The following MARCHF1 variants were observed in gnomAD, a reference collection of about 807,000 sequenced individuals.
MARCHF1 encodes the protein E3 ubiquitin-protein ligase MARCHF1.
A neutral mutation model predicts 54.2 loss-of-function variants in MARCHF1; 40 were observed. The ratio of observed to expected loss-of-function variants is 0.74; its 90% confidence interval spans 0.57 to 0.96. The LOEUF (loss-of-function observed/expected upper bound fraction) is 0.96, where lower values mean the gene tolerates loss of function less well. Ranked by LOEUF, MARCHF1 falls within the 40% of genes least tolerant of loss-of-function variation. The pLI, the probability that MARCHF1 is intolerant of heterozygous loss-of-function variation, is 0.00. For synonymous variants in MARCHF1, 236 were observed against 236.3 expected (o/e 1.00, Z 0.01); for missense variants, 586 against 656.5 (o/e 0.89, Z 1.17).
chr4:163,573,888 A>G (rs1739937863), intron 8 of MARCHF1, among the ~76,000 whole-genome samples: 2 of 150,630 alleles, frequency 1.3e-5, no homozygotes, highest in Admixed American at 1.3e-4. Context: ...GAATCGCCAC[A>G]CTGACTTCCA....
At chr4:163,929,973 A>AATATATTAAATATAT (rs1560823848) in intron 3 of MARCHF1, among the ~76,000 whole-genome samples, 1 of 125,396 alleles carries the variant, frequency 8.0e-6, no homozygotes, top group African/African-American at 3.1e-5. Flanking sequence ...AATATATATA[A>AATATATTAAATATAT]TATATATAAT....
At chr4:163,980,029 A>G (rs1382004476) in intron 3 of MARCHF1, among the ~76,000 whole-genome samples, 1 of 151,548 alleles carries the variant, frequency 6.6e-6, no homozygotes, top group Non-Finnish European at 1.5e-5. Context: ...TAAAGTTCAT[A>G]TGGAACCAAA....
At chr4:164,039,342 C>T (rs1190533397) in intron 2 of MARCHF1, among the ~76,000 whole-genome samples, 2 of 152,054 alleles carry the variant, frequency 1.3e-5, no homozygotes, top group African/African-American at 4.8e-5. Flanking sequence ...TTTTGACATG[C>T]CAATAAAGTT....
intron 1 of MARCHF1, among the ~76,000 whole-genome samples, chr4:164,152,188 G>T (rs1729960839): frequency 1.3e-5 from 2 of 152,120 alleles, no homozygotes; most frequent in South Asian, 4.1e-4. Flanking sequence ...GATTTCAGGT[G>T]GTGATACTTG....
chr4:164,047,181 G>A (rs1487195672), intron 2 of MARCHF1, among the ~76,000 whole-genome samples: 1 of 152,120 alleles, frequency 6.6e-6, no homozygotes, highest in African/African-American at 2.4e-5. Flanking sequence ...AGAAACCCTA[G>A]CTCAGGCAAT....
intron 3 of MARCHF1, among the ~76,000 whole-genome samples, chr4:163,981,217 C>T (rs911398154): frequency 4.6e-5 from 7 of 152,030 alleles, no homozygotes; most frequent in African/African-American, 1.4e-4. Context: ...CTAAAGAATG[C>T]AGCATGTTGC....
intron 2 of MARCHF1, among the ~76,000 whole-genome samples, chr4:164,043,668 T>C (rs763399782): frequency 1.5e-4 from 23 of 152,326 alleles, no homozygotes; most frequent in Non-Finnish European, 3.4e-4. Flanking sequence ...ACAGCCAGTT[T>C]GAATTTCTCC....
chr4:163,587,952 C>A (rs1234864408), intron 7 of MARCHF1, among the ~76,000 whole-genome samples: 5 of 151,960 alleles, frequency 3.3e-5, no homozygotes, highest in Admixed American at 3.3e-4. Flanking sequence ...TGCTCTCTCC[C>A]CAGGGGAAAT....
Position 163,527,663 on chromosome 4 carries a change from A to G in MARCHF1, c.*1085T>C, listed in dbSNP as rs757967325. On this transcript the variant is annotated 3_prime_UTR_variant, in exon 10 of 10. Transcript: ENST00000514618. The stretch of plus-strand genomic sequence containing the variant: ...ACTTTGAAATAAAAGAATGAATTAA[A>G]CTGTTTTGAAATACTCAACAACTGT... 2 of 152,182 alleles carry G rather than the reference A, an allele frequency of 1.3e-5. No homozygotes were observed. Among genetic ancestry groups the G allele is most frequent in the Non-Finnish European group, 2.9e-5 (2 of 67,958 alleles). 9.4% of individuals were successfully genotyped at this position (152,182 alleles called of 1,614,324 possible).
rs1217630973 is a variant in MARCHF1, at chr4:164,199,677, CACACAGAGAG to C, written c.-322-88025_-322-88016del. 7.6e-3 allele frequency among the ~76,000 whole-genome samples: 483 copies of C among 63,940 alleles called. 1 individual carries two copies. Among genetic ancestry groups the C allele is most frequent in the Non-Finnish European group, 7.8e-3 (285 of 36,496 alleles). 41.9% of individuals were successfully genotyped at this position (63,940 alleles called of 152,430 possible). On this transcript the variant is annotated intron_variant, in intron 1 of 9. Transcript: ENST00000514618. ...ACACACACACACACACACACACACACACACAGAGAGAGAGAGAGAGAGAGAGAGAGAGAGA... is the reference window on the plus strand; with the variant it reads ...ACACACACACACACACACACACACACAGAGAGAGAGAGAGAGAGAGAGAGA...
At chr4:163,548,029 T>C (rs1042526680) in intron 8 of MARCHF1, among the ~76,000 whole-genome samples, 5 of 152,232 alleles carry the variant, frequency 3.3e-5, no homozygotes, top group African/African-American at 1.2e-4. Context: ...AATTAATCAG[T>C]CTTGAACTGA....
chr4:164,316,764 T>C (rs550687352), intron 1 of MARCHF1, among the ~76,000 whole-genome samples: 17 of 152,284 alleles, frequency 1.1e-4, no homozygotes, highest in African/African-American at 2.4e-4. Context: ...TGGAAGGAGA[T>C]TGGAACATGG....
intron 9 of MARCHF1, among the ~76,000 whole-genome samples, chr4:163,533,680 A>AAT (rs35349951): frequency 0.097 from 13,939 of 144,046 alleles, 735 homozygotes; most frequent in East Asian, 0.16. Flanking sequence ...TTTTATATAT[A>AAT]ATATATATAT....
rs552732540 is a variant in MARCHF1, at chr4:163,843,883, G to A, written c.111+10138C>T. Among the ~76,000 whole-genome samples, 118 of 151,882 alleles carry A rather than the reference G, an allele frequency of 7.8e-4. 2 individuals carry two copies. Among genetic ancestry groups the A allele is most frequent in the Non-Finnish European group, 1.4e-3 (97 of 67,950 alleles). Reference sequence around the variant, plus strand: ...TGGCATTTCTTTAATGATAAGTGACGATGAGTATTTTTCCATATGTTTGTT... The same window carrying A: ...TGGCATTTCTTTAATGATAAGTGACAATGAGTATTTTTCCATATGTTTGTT... On this transcript the variant is annotated intron_variant, in intron 4 of 9. Coordinates refer to ENST00000514618, the MANE Select transcript of MARCHF1 (RefSeq NM_001394959.1).
At position 164,176,941 on chromosome 4, in the gene MARCHF1, G is replaced by GCT. The variant is rs57770641; in HGVS notation, c.-322-65281_-322-65280dup. On this transcript the variant is annotated intron_variant, in intron 1 of 9. Coordinates refer to ENST00000514618, the MANE Select transcript of MARCHF1 (RefSeq NM_001394959.1). ...TGTTATTTATCTGAGTACCTTGTGC[G>GCT]CTCTCTCTCTCTCTCTCTCTCTCTC... is the stretch of plus-strand genomic sequence containing the variant. 4.0e-3 allele frequency among the ~76,000 whole-genome samples: 230 copies of GCT among 58,062 alleles called. 5 individuals are homozygous for GCT. The highest frequency in any genetic ancestry group is 0.022 in the East Asian group (59 of 2,640). 38.1% of individuals were successfully genotyped at this position (58,062 alleles called of 152,430 possible). A position where few individuals can be genotyped will look rare whatever the true frequency, so the allele number is the denominator to read the frequency against.
At chr4:163,574,648 G>A (rs527827295) in intron 8 of MARCHF1, among the ~76,000 whole-genome samples, 21 of 150,916 alleles carry the variant, frequency 1.4e-4, no homozygotes, top group African/African-American at 3.9e-4. Flanking sequence ...TATTTCTGAG[G>A]GCTCTGTTCT....
At chr4:163,838,082 A>G (rs73870087) in intron 4 of MARCHF1, among the ~76,000 whole-genome samples, 5,953 of 152,184 alleles carry the variant, frequency 0.039, 262 homozygotes, top group African/African-American at 0.1. Context: ...TCCTGTATCA[A>G]ATAAGTGATA....
At chr4:163,613,630 G>C (rs189732098) in intron 5 of MARCHF1, 400 of 1,420,222 alleles carry the variant, frequency 2.8e-4, no homozygotes, top group Non-Finnish European at 3.4e-4. Context: ...ATTTACGAGA[G>C]AGGAAGATGA....
At chr4:163,631,356 C>A (rs1262002303) in intron 5 of MARCHF1, among the ~76,000 whole-genome samples, 1 of 152,006 alleles carries the variant, frequency 6.6e-6, no homozygotes, top group East Asian at 1.9e-4. Context: ...CCACACTCAG[C>A]TAACGTCTTT....
Sources: gnomAD v4.1 joint callset for allele counts (sites outside exome capture counted in the v4.1 genomes callset) on GRCh38, gnomAD v4.1.1 for gene constraint, MANE v1.5 for transcripts, NCBI Gene and HGNC (gene_info 2026-07-23, HGNC 2026-07-21) for gene names.